NOX4: variants seen among roughly 807,000 people sequenced by gnomAD.
NOX4 encodes the protein NADPH oxidase 4, also known as kidney oxidase-1.
A neutral mutation model predicts 87.6 loss-of-function variants in NOX4; 69 were observed. The ratio of observed to expected loss-of-function variants is 0.79; its 90% CI spans 0.65 to 0.96. The LOEUF (loss-of-function observed/expected upper bound fraction) is 0.96. NOX4 is among the 40% of genes least tolerant of loss of function. The pLI, the probability that NOX4 is intolerant of heterozygous loss-of-function variation, is 0.00. For missense variants in NOX4, 680 were observed against 681.5 expected (o/e 1.00, Z 0.02); for synonymous variants, 275 against 238.2 (o/e 1.15, Z -1.42).
At chr11:89,360,444 T>C (rs1473051307) in intron 12 of NOX4, among the ~76,000 whole-genome samples, 1 of 152,084 alleles carries the variant, frequency 6.6e-6, no homozygotes, top group Non-Finnish European at 1.5e-5. Flanking sequence ...CAGAGATATG[T>C]ACTCCCTGAA....
intron 8 of NOX4, among the ~76,000 whole-genome samples, chr11:89,414,107 C>G (rs1175794700): frequency 6.6e-6 from 1 of 152,018 alleles, no homozygotes; most frequent in Admixed American, 6.6e-5. Context: ...CTATAAAAAA[C>G]TGATTTGTCT....
intron 2 of NOX4, among the ~76,000 whole-genome samples, chr11:89,471,824 C>T (rs193139631): frequency 6.6e-6 from 1 of 152,292 alleles, no homozygotes; most frequent in Admixed American, 6.5e-5. Flanking sequence ...TCACTGCAAC[C>T]TCCGCCTCCT....
At chr11:89,485,364 T>C (rs1946550987) in intron 2 of NOX4, among the ~76,000 whole-genome samples, 1 of 151,984 alleles carries the variant, frequency 6.6e-6, no homozygotes, top group Non-Finnish European at 1.5e-5. Flanking sequence ...ATTGAATAGT[T>C]TGGAGGGAAA....
chr11:89,487,671 T>C (rs1946685287), intron 2 of NOX4, among the ~76,000 whole-genome samples: 1 of 152,216 alleles, frequency 6.6e-6, no homozygotes, highest in South Asian at 2.1e-4. Context: ...CACATGCGTA[T>C]ACCAGTGGGA....
intron 17 of NOX4, among the ~76,000 whole-genome samples, chr11:89,332,122 G>A (rs1945501218): frequency 6.6e-6 from 1 of 151,752 alleles, no homozygotes; most frequent in African/African-American, 2.4e-5. Context: ...GCTTTTTCAT[G>A]TAGATTTGTA....
chr11:89,344,724 C>A lies in NOX4; in HGVS notation c.1218-2531G>T, dbSNP rs1237082088. ...ACAACTTTCATAGGAAAGTATAATG[C>A]CCATTTTGTTGCATTGGGAACTAAA... On this transcript the variant is annotated intron_variant, in intron 13 of 17. Transcript: ENST00000263317. Among the ~76,000 whole-genome samples, 4 of 152,004 alleles carry A rather than the reference C, an allele frequency of 2.6e-5. No homozygotes were observed. In the South Asian group the frequency reaches 6.2e-4, roughly 24 times the overall value.
intron 3 of NOX4, among the ~76,000 whole-genome samples, chr11:89,449,816 G>T (rs1415108903): frequency 6.6e-6 from 1 of 151,620 alleles, no homozygotes; most frequent in Non-Finnish European, 1.5e-5. Flanking sequence ...AACACTAATG[G>T]CATTAGATGT....
At chr11:89,390,474 G>T (rs187593606) in intron 11 of NOX4, among the ~76,000 whole-genome samples, 89 of 152,208 alleles carry the variant, frequency 5.8e-4, no homozygotes, top group African/African-American at 2.0e-3. Context: ...AGATAGAGTG[G>T]TTTTAAGAAA....
intron 13 of NOX4, among the ~76,000 whole-genome samples, chr11:89,343,598 T>C (rs530173565): frequency 6.6e-6 from 1 of 152,260 alleles, no homozygotes; most frequent in Non-Finnish European, 1.5e-5. Context: ...CTTAAACCAC[T>C]TTTTTTACAT....
Position 89,402,379 on chromosome 11 carries a change from T to G in NOX4, c.793A>C (p.Lys265Gln). Residue 265 changes from lysine to glutamine, a missense_variant, in exon 9 of 18, where the codon AAA becomes CAA. Transcript: ENST00000263317. The part of the protein sequence containing the change: ...FSKPAEFTQH[K>Q]FVKICMEEPR... The stretch of plus-strand genomic sequence containing the variant: ...TCTTCCATACAAATCTTCACAAATT[T>G]GTGCTGGGTAAACTCTGCCGGTTTT... The G allele has an allele frequency of 6.2e-7, 1 of 1,613,448 alleles. No homozygotes were observed.
intron 13 of NOX4, among the ~76,000 whole-genome samples, chr11:89,350,469 A>C (rs985878642): frequency 6.6e-6 from 1 of 152,154 alleles, no homozygotes; most frequent in African/African-American, 2.4e-5. Context: ...GTCCAAATCC[A>C]AACTACCACA....
At chr11:89,417,876 A>T (rs1273520200) in intron 8 of NOX4, among the ~76,000 whole-genome samples, 1 of 152,122 alleles carries the variant, frequency 6.6e-6, no homozygotes, top group Non-Finnish European at 1.5e-5. Context: ...AAAAGCAAGG[A>T]CAAATTATCT....
intron 6 of NOX4, among the ~76,000 whole-genome samples, chr11:89,437,181 T>C (rs1003069503): frequency 2.0e-5 from 3 of 151,548 alleles, no homozygotes; most frequent in Non-Finnish European, 4.4e-5. Flanking sequence ...GCCAACATAG[T>C]GAAACTCCAT....
At chr11:89,552,712 A>C in the NOX4 span, among the ~76,000 whole-genome samples, 1 of 152,180 alleles carries the variant, frequency 6.6e-6, no homozygotes, top group Admixed American at 6.6e-5. Flanking sequence ...AAGTCTGCAG[A>C]ATCTAGACAT....
chr11:89,413,758 A>C, intron 8 of NOX4, among the ~76,000 whole-genome samples: 1 of 152,136 alleles, frequency 6.6e-6, no homozygotes, highest in Admixed American at 6.6e-5. Context: ...TACATTAAAA[A>C]ATAATGAAAA....
At chr11:89,468,860 TC>T (rs1945811773) in intron 2 of NOX4, among the ~76,000 whole-genome samples, 1 of 152,158 alleles carries the variant, frequency 6.6e-6, no homozygotes, top group African/African-American at 2.4e-5. Flanking sequence ...TTCTCCCACC[TC>T]AGCCTCTAGA....
chr11:89,358,402 A>C (rs1473575000), intron 12 of NOX4, among the ~76,000 whole-genome samples: 1 of 149,378 alleles, frequency 6.7e-6, no homozygotes, highest in Admixed American at 6.7e-5. Flanking sequence ...AAAAAAAAAA[A>C]AAAAGAAAAG....
intron 2 of NOX4, among the ~76,000 whole-genome samples, chr11:89,458,400 T>A (rs1409978054): frequency 6.6e-6 from 1 of 152,092 alleles, no homozygotes; most frequent in African/African-American, 2.4e-5. Context: ...ACATAGACCT[T>A]GGCAAAGATT....
chr11:89,329,026 G>A (rs946412779), intron 17 of NOX4, among the ~76,000 whole-genome samples: 1 of 151,876 alleles, frequency 6.6e-6, no homozygotes, highest in Non-Finnish European at 1.5e-5. Context: ...CCAGTCTGTG[G>A]TATATTGCTA....
Sources: allele counts gnomAD v4.1 joint callset (sites outside exome capture counted in the v4.1 genomes callset), GRCh38; gene constraint gnomAD v4.1.1; transcripts MANE v1.5; gene names NCBI Gene and HGNC (gene_info 2026-07-23, HGNC 2026-07-21).